Variants in CSMD1 observed in about 807,000 individuals in gnomAD.
The protein encoded by CSMD1 is CUB and sushi domain-containing protein 1.
Under a neutral mutation model 417.5 loss-of-function variants are expected in CSMD1, and 213 were observed. That is an observed-to-expected ratio of 0.51 (90% CI 0.46 to 0.57). CSMD1 has a LOEUF of 0.57. CSMD1 is among the 20% of genes least tolerant of loss of function. The pLI, the probability that CSMD1 is intolerant of heterozygous loss-of-function variation, is 0.00. For missense variants in CSMD1, 6,923 were observed against 4,529.7 expected (o/e 1.53, Z -15.17); for synonymous variants, 2,862 against 1,736.8 (o/e 1.65, Z -16.11).
chr8:3,979,466 T>C (rs146889056), intron 5 of CSMD1, among the ~76,000 whole-genome samples: 12 of 152,306 alleles, frequency 7.9e-5, no homozygotes, highest in East Asian at 3.9e-4. Context: ...CAGGATACAG[T>C]GTGTCTTTGG....
At chr8:3,184,089 T>A (rs1821600571) in intron 36 of CSMD1, among the ~76,000 whole-genome samples, 1 of 152,202 alleles carries the variant, frequency 6.6e-6, no homozygotes, top group Non-Finnish European at 1.5e-5. Context: ...CCCTGCATGA[T>A]CTGACTGCTG....
At chr8:4,926,534 ACCT>A (rs1377549465) in intron 1 of CSMD1, among the ~76,000 whole-genome samples, 1 of 152,296 alleles carries the variant, frequency 6.6e-6, no homozygotes, top group African/African-American at 2.4e-5. Flanking sequence ...TTTTTAATTA[ACCT>A]CCTTATTTAG....
At chr8:3,168,927 C>G (rs1585539941) in intron 37 of CSMD1, among the ~76,000 whole-genome samples, 1 of 151,008 alleles carries the variant, frequency 6.6e-6, no homozygotes, top group African/African-American at 2.5e-5. Flanking sequence ...TGTTCTCTCT[C>G]TCTCTCTCTC....
intron 1 of CSMD1, among the ~76,000 whole-genome samples, chr8:4,826,308 T>C (rs1178268149): frequency 6.6e-6 from 1 of 152,058 alleles, no homozygotes; most frequent in African/African-American, 2.4e-5. Context: ...TGTGTGTATA[T>C]ATGTGTGTGT....
intron 19 of CSMD1, among the ~76,000 whole-genome samples, chr8:3,368,782 T>C (rs888199428): frequency 1.4e-4 from 21 of 152,356 alleles, no homozygotes; most frequent in South Asian, 6.2e-4. Context: ...AAAATGAGGA[T>C]AGAAATATCT....
intron 23 of CSMD1, among the ~76,000 whole-genome samples, chr8:3,330,616 G>A (rs989159332): frequency 1.3e-5 from 2 of 152,126 alleles, no homozygotes; most frequent in African/African-American, 4.8e-5. Context: ...ATGAGAAGAG[G>A]GAGAGGATCA....
At chr8:3,673,572 G>A (rs1163556705) in intron 7 of CSMD1, among the ~76,000 whole-genome samples, 1 of 152,138 alleles carries the variant, frequency 6.6e-6, no homozygotes, top group Non-Finnish European at 1.5e-5. Flanking sequence ...CTCTCAGTAT[G>A]CACATACTTG....
chr8:4,404,424 A>G (rs140623652), intron 3 of CSMD1, among the ~76,000 whole-genome samples: 2 of 152,302 alleles, frequency 1.3e-5, no homozygotes, highest in Non-Finnish European at 2.9e-5. Flanking sequence ...TTAATCATCA[A>G]TAAATATTTG....
intron 2 of CSMD1, among the ~76,000 whole-genome samples, chr8:4,434,410 G>A (rs1035022593): frequency 2.0e-5 from 3 of 152,232 alleles, no homozygotes; most frequent in South Asian, 2.1e-4. Flanking sequence ...GTGTTTGGCA[G>A]CACAAGCCAC....
intron 3 of CSMD1, among the ~76,000 whole-genome samples, chr8:4,179,630 A>C (rs1798244778): frequency 6.6e-6 from 1 of 152,124 alleles, no homozygotes; most frequent in African/African-American, 2.4e-5. Flanking sequence ...CTACCATCAG[A>C]GTGAACAGGC....
At position 4,342,595 on chromosome 8, in the gene CSMD1, G is replaced by GA. The variant is rs936900523; in HGVS notation, c.415+77357dup. 9.2e-5 allele frequency among the ~76,000 whole-genome samples: 14 copies of GA among 151,476 alleles called. No homozygotes were observed. In the East Asian group the frequency reaches 9.7e-4, roughly 11 times the overall value. ...GGACACTTCCCCATAAGGTTACTGG[G>GA]AAAAAAAAGATGGTAATATGATTCA... On this transcript the variant is annotated intron_variant, in intron 3 of 69. Coordinates refer to ENST00000635120, the MANE Select transcript of CSMD1 (RefSeq NM_033225.6).
At chr8:3,692,623 G>A (rs1016544233) in intron 7 of CSMD1, among the ~76,000 whole-genome samples, 1 of 151,982 alleles carries the variant, frequency 6.6e-6, no homozygotes, top group African/African-American at 2.4e-5. Context: ...CGTAGAGGTG[G>A]GGTTTCACCA....
chr8:4,370,351 T>C (rs1436370976), intron 3 of CSMD1, among the ~76,000 whole-genome samples: 1 of 152,216 alleles, frequency 6.6e-6, no homozygotes, highest in Non-Finnish European at 1.5e-5. Context: ...GACCTGCTCC[T>C]TCTCTCTAGC....
intron 3 of CSMD1, among the ~76,000 whole-genome samples, chr8:4,335,102 A>T (rs1472748582): frequency 2.0e-5 from 3 of 152,070 alleles, no homozygotes; most frequent in African/African-American, 7.2e-5. Context: ...GAGCCACACA[A>T]TGTTGCCCAG....
intron 39 of CSMD1, among the ~76,000 whole-genome samples, chr8:3,152,294 C>G (rs73491740): frequency 6.6e-6 from 1 of 152,156 alleles, no homozygotes; most frequent in Non-Finnish European, 1.5e-5. Context: ...CCCAGTGATA[C>G]AAGACGAAGC....
At chr8:3,855,759 G>T (rs945943636) in intron 5 of CSMD1, among the ~76,000 whole-genome samples, 9 of 152,150 alleles carry the variant, frequency 5.9e-5, no homozygotes, top group African/African-American at 2.2e-4. Flanking sequence ...TGAAATCCTA[G>T]AGTCTGCTGA....
intron 2 of CSMD1, among the ~76,000 whole-genome samples, chr8:4,444,069 C>CA (rs1429168484): frequency 4.6e-5 from 7 of 152,046 alleles, no homozygotes; most frequent in African/African-American, 1.7e-4. Flanking sequence ...TGGCCTGGCA[C>CA]AGTAGCTCAT....
At chr8:3,678,437 G>C (rs1200750035) in intron 7 of CSMD1, among the ~76,000 whole-genome samples, 9 of 152,296 alleles carry the variant, frequency 5.9e-5, no homozygotes, top group Admixed American at 4.6e-4. Context: ...AAGGGTATCA[G>C]TGACTGAAGA....
At chr8:3,381,408 C>T (rs2116773403) in intron 18 of CSMD1, among the ~76,000 whole-genome samples, 1 of 152,292 alleles carries the variant, frequency 6.6e-6, no homozygotes, top group South Asian at 2.1e-4. Flanking sequence ...GGCACATAAA[C>T]ATTCAAGTAA....
Sources: gnomAD v4.1 joint callset for allele counts (sites outside exome capture counted in the v4.1 genomes callset) on GRCh38, gnomAD v4.1.1 for gene constraint, MANE v1.5 for transcripts, NCBI Gene and HGNC (gene_info 2026-07-23, HGNC 2026-07-21) for gene names.